The following ADAM9 variants were observed in gnomAD, a reference collection of about 807,000 sequenced individuals.
ADAM9 encodes disintegrin and metalloproteinase domain-containing protein 9.
A neutral mutation model predicts 108.1 loss-of-function variants in ADAM9; 54 were observed. The observed-to-expected ratio is 0.50, with a 90% CI of 0.40 to 0.63. The LOEUF (loss-of-function observed/expected upper bound fraction) is 0.63. ADAM9 is among the 20% of genes least tolerant of loss of function. The pLI, the probability that ADAM9 is intolerant of heterozygous loss-of-function variation, is 0.00. For missense variants in ADAM9, 830 were observed against 997.7 expected (o/e 0.83, Z 2.26); for synonymous variants, 316 against 336.0 (o/e 0.94, Z 0.65).
In ADAM9 at chr8:39,025,811, G is replaced by C. The variant is rs1160323386; in HGVS notation, c.923G>C (p.Gly308Ala). The C allele has an allele frequency of 6.2e-7, 1 of 1,614,028 alleles. No individual in the cohort carries two copies. Among genetic ancestry groups the C allele is most frequent in the East Asian group, 2.2e-5 (1 of 44,880 alleles). ...TTTACATTTTCATTTAGAAAGAAAG[G>C]TTTTGGTGGAACTGCAGGAATGGCA... The part of the protein sequence containing the change: ...HDSAQLVLKK[G>A]FGGTAGMAFV... Residue 308 changes from glycine (G) to alanine (A), a missense_variant, in exon 10 of 22, where the codon GGT becomes GCT. By Grantham distance (60) the Gly-to-Ala change is moderately conservative (BLOSUM62 0). Transcript: ENST00000487273.
intron 11 of ADAM9, among the ~76,000 whole-genome samples, chr8:39,036,745 T>TAA (rs1265066493): frequency 6.6e-6 from 1 of 152,186 alleles, no homozygotes; most frequent in African/African-American, 2.4e-5. Flanking sequence ...TAAAGCATTT[T>TAA]AAAGTCTCAC....
At chr8:39,014,526 C>T (rs1435747384) in intron 4 of ADAM9, 1 of 702,338 alleles carries the variant, frequency 1.4e-6, no homozygotes, top group Non-Finnish European at 2.6e-6. Flanking sequence ...GAACAGAGTA[C>T]TCCTGGGGAC....
intron 16 of ADAM9, among the ~76,000 whole-genome samples, chr8:39,080,617 G>A (rs1838991158): frequency 2.0e-5 from 3 of 152,188 alleles, no homozygotes; most frequent in African/African-American, 7.2e-5. Context: ...CTTCTGGTAT[G>A]TACCAAAGCC....
intron 7 of ADAM9, among the ~76,000 whole-genome samples, chr8:39,019,214 C>T (rs753146447): frequency 6.6e-6 from 1 of 151,992 alleles, no homozygotes; most frequent in African/African-American, 2.4e-5. Context: ...CTATCAGGCT[C>T]TTGAGAACTT....
intron 11 of ADAM9, among the ~76,000 whole-genome samples, chr8:39,041,275 A>G (rs1837448679): frequency 6.6e-6 from 1 of 152,226 alleles, no homozygotes; most frequent in Non-Finnish European, 1.5e-5. Flanking sequence ...GCATTTATAT[A>G]AATCTCACAT....
chr8:39,002,751 G>T (rs1356526734), intron 1 of ADAM9, among the ~76,000 whole-genome samples: 2 of 152,194 alleles, frequency 1.3e-5, no homozygotes, highest in African/African-American at 4.8e-5. Flanking sequence ...AGAAAGAAGT[G>T]CAACTAACAC....
chr8:39,090,324 C>T (rs1198172271), intron 19 of ADAM9, 136 bp downstream of exon 19: 3 of 679,846 alleles, frequency 4.4e-6, no homozygotes, highest in Non-Finnish European at 7.3e-6. Context: ...AGGCACACCA[C>T]CACACCCAGT....
At chr8:39,039,564 C>T (rs1455573449) in intron 11 of ADAM9, among the ~76,000 whole-genome samples, 10 of 152,212 alleles carry the variant, frequency 6.6e-5, no homozygotes, top group African/African-American at 2.4e-4. Context: ...CCTCCACCTC[C>T]ACCATAATCA....
chr8:39,029,067 C>T (rs1837015982), intron 11 of ADAM9, among the ~76,000 whole-genome samples: 1 of 150,894 alleles, frequency 6.6e-6, no homozygotes, highest in Non-Finnish European at 1.5e-5. Context: ...ATGAAGATAA[C>T]ATGATTTCAA....
chr8:39,091,393 C>A, intron 20 of ADAM9, 47 bp downstream of exon 20: 2 of 1,507,500 alleles, frequency 1.3e-6, no homozygotes, highest in South Asian at 1.1e-5. Context: ...ATTAAAGGAT[C>A]AAATGCTTAA....
chr8:39,037,405 A>T (rs1270305675), intron 11 of ADAM9, among the ~76,000 whole-genome samples: 1 of 146,994 alleles, frequency 6.8e-6, no homozygotes, highest in East Asian at 2.0e-4. Context: ...TTATAAATAT[A>T]TATTTATGTA....
intron 14 of ADAM9, among the ~76,000 whole-genome samples, chr8:39,066,614 T>G (rs939121408): frequency 1.3e-5 from 2 of 152,226 alleles, no homozygotes; most frequent in Non-Finnish European, 1.5e-5. Flanking sequence ...ATTTTTGTTG[T>G]AAATTTGTTT....
At chr8:39,008,701 G>T (rs1314460006) in intron 2 of ADAM9, among the ~76,000 whole-genome samples, 1 of 152,098 alleles carries the variant, frequency 6.6e-6, no homozygotes, top group East Asian at 1.9e-4. Context: ...TTCACTGACG[G>T]TGGAGAGTGA....
chr8:39,097,017 T>C (rs1473050986), intron 20 of ADAM9, among the ~76,000 whole-genome samples: 2 of 152,212 alleles, frequency 1.3e-5, no homozygotes, highest in Non-Finnish European at 2.9e-5. Flanking sequence ...TTTCTGGAGA[T>C]TGAGTTTGTT....
intron 14 of ADAM9, among the ~76,000 whole-genome samples, chr8:39,068,110 AC>A (rs1440015052): frequency 6.6e-6 from 1 of 151,900 alleles, no homozygotes; most frequent in Non-Finnish European, 1.5e-5. Flanking sequence ...GTTTCATATT[AC>A]CTTTTTTCTT....
chr8:39,035,241 T>C (rs1837232524), intron 11 of ADAM9, among the ~76,000 whole-genome samples: 1 of 152,242 alleles, frequency 6.6e-6, no homozygotes, highest in Non-Finnish European at 1.5e-5. Context: ...CATTGAATTA[T>C]TAATTTTGCT....
intron 14 of ADAM9, among the ~76,000 whole-genome samples, chr8:39,062,064 A>G (rs1177105290): frequency 1.3e-5 from 2 of 152,152 alleles, no homozygotes; most frequent in African/African-American, 4.8e-5. Context: ...TCCCATCCTC[A>G]TGATCCCACC....
chr8:39,045,756 G>A (rs1837749891), intron 12 of ADAM9, among the ~76,000 whole-genome samples: 1 of 151,942 alleles, frequency 6.6e-6, no homozygotes, highest in Non-Finnish European at 1.5e-5. Context: ...GGGTCAAATG[G>A]TAGTTCTAGT....
intron 1 of ADAM9, among the ~76,000 whole-genome samples, chr8:39,002,084 CT>C (rs1836012652): frequency 6.7e-6 from 1 of 148,594 alleles, no homozygotes; most frequent in Non-Finnish European, 1.5e-5. Flanking sequence ...TTGCACCAAC[CT>C]ATTATATGGC....
Sources: allele counts gnomAD v4.1 joint callset (sites outside exome capture counted in the v4.1 genomes callset), GRCh38; gene constraint gnomAD v4.1.1; transcripts MANE v1.5; gene names NCBI Gene and HGNC (gene_info 2026-07-23, HGNC 2026-07-21).